RBMS1: variants seen among roughly 807,000 people sequenced by gnomAD.
RBMS1 encodes RNA-binding motif, single-stranded-interacting protein 1.
RBMS1 carries 17 observed loss-of-function variants against 62.3 expected under a neutral mutation model. The ratio of observed to expected loss-of-function variants is 0.27; its 90% CI spans 0.19 to 0.41. The LOEUF is 0.41. Ranked by LOEUF, RBMS1 falls within the 10% of genes least tolerant of loss-of-function variation. The pLI, the probability that RBMS1 is intolerant of heterozygous loss-of-function variation, is 1.00. For synonymous variants in RBMS1, 172 were observed against 170.0 expected (o/e 1.01, Z -0.09); for missense variants, 334 against 504.5 (o/e 0.66, Z 3.24).
chr2:160,455,173 T>C (rs1479500849), intron 1 of RBMS1, among the ~76,000 whole-genome samples: 2 of 152,232 alleles, frequency 1.3e-5, no homozygotes. Flanking sequence ...CTGATGTCAA[T>C]TGAAACTCAA....
chr2:160,278,979 G>A (rs1687974528), intron 10 of RBMS1: 1 of 201,036 alleles, frequency 5.0e-6, no homozygotes, highest in Admixed American at 5.4e-5. Context: ...CCAGCAGGAG[G>A]AGCTATCATA....
intron 1 of RBMS1, among the ~76,000 whole-genome samples, chr2:160,384,372 C>T (rs1242247557): frequency 6.6e-6 from 1 of 152,122 alleles, no homozygotes; most frequent in Non-Finnish European, 1.5e-5. Context: ...ATTTCTAAAA[C>T]ATTTCTAACT....
At chr2:160,327,360 G>C (rs926834689) in intron 2 of RBMS1, among the ~76,000 whole-genome samples, 3 of 152,120 alleles carry the variant, frequency 2.0e-5, no homozygotes, top group African/African-American at 7.2e-5. Context: ...GCTGTTTACT[G>C]TATGTATAAC....
chr2:160,316,073 T>C (rs949159293), intron 3 of RBMS1, among the ~76,000 whole-genome samples: 3 of 152,330 alleles, frequency 2.0e-5, no homozygotes, highest in Admixed American at 6.5e-5. Flanking sequence ...TAATCTTTTA[T>C]GCATTTATTT....
At chr2:160,364,249 A>G (rs566788714) in intron 2 of RBMS1, among the ~76,000 whole-genome samples, 4 of 152,318 alleles carry the variant, frequency 2.6e-5, no homozygotes, top group South Asian at 2.1e-4. Flanking sequence ...AACTGTACTG[A>G]TATCTTCTTT....
At chr2:160,361,187 T>C (rs1206588508) in intron 2 of RBMS1, among the ~76,000 whole-genome samples, 1 of 152,186 alleles carries the variant, frequency 6.6e-6, no homozygotes, top group East Asian at 1.9e-4. Flanking sequence ...TCACTGGTTT[T>C]TCCATTAAAA....
chr2:160,481,892 C>T (rs1180134828), intron 1 of RBMS1, among the ~76,000 whole-genome samples: 1 of 152,136 alleles, frequency 6.6e-6, no homozygotes, highest in Non-Finnish European at 1.5e-5. Flanking sequence ...TTTCTCATGC[C>T]TTGCTGGCAG....
At chr2:160,451,159 A>G (rs74833216) in intron 1 of RBMS1, among the ~76,000 whole-genome samples, 1 of 120,426 alleles carries the variant, frequency 8.3e-6, no homozygotes, top group South Asian at 2.5e-4. Flanking sequence ...CATGCTTCAG[A>G]AAAAAAAAAA....
rs776057969 is a variant in RBMS1, at chr2:160,443,421, G to A, written c.75+49868C>T. Among the ~76,000 whole-genome samples the A allele has an allele frequency of 6.7e-4, 102 of 152,164 alleles. 1 individual carries two copies. The highest frequency in any genetic ancestry group is 6.2e-4 in the South Asian group (3 of 4,804). Reference sequence around the variant, plus strand: ...TTGAAATGTGATCTCCAATGTTGGCGATGCAGCCTGATGGGAGGTGTTTGG... The same window carrying A: ...TTGAAATGTGATCTCCAATGTTGGCAATGCAGCCTGATGGGAGGTGTTTGG... On this transcript the variant is annotated intron_variant, in intron 1 of 13. Coordinates refer to ENST00000348849, the MANE Select transcript of RBMS1 (RefSeq NM_016836.4).
intron 1 of RBMS1, among the ~76,000 whole-genome samples, chr2:160,426,123 CT>C (rs1381911346): frequency 6.6e-6 from 1 of 151,862 alleles, no homozygotes; most frequent in South Asian, 2.1e-4. Flanking sequence ...AGTCCTTGCA[CT>C]TCCACGATTG....
intron 6 of RBMS1, among the ~76,000 whole-genome samples, chr2:160,292,515 T>C (rs1688735830): frequency 6.6e-6 from 1 of 152,192 alleles, no homozygotes; most frequent in Non-Finnish European, 1.5e-5. Flanking sequence ...TCTGAGAGAT[T>C]TAAGGAGCTG....
In RBMS1 at chr2:160,446,302, T is replaced by TTATG. The variant is rs1683643753; in HGVS notation, c.75+46986_75+46987insCATA. Among the ~76,000 whole-genome samples the TTATG allele has an allele frequency of 3.3e-5, 5 of 152,284 alleles. No individual in the cohort carries two copies. In the South Asian group the frequency reaches 1.0e-3, roughly 32 times the overall value. ...ACCAGTCTATTTGAACTCATCCTGTTCATAAACTCATTGCCATCTTCTCCA... is the reference window on the plus strand; with the variant it reads ...ACCAGTCTATTTGAACTCATCCTGTTTATGCATAAACTCATTGCCATCTTCTCCA... On this transcript the variant is annotated intron_variant, in intron 1 of 13. Coordinates refer to ENST00000348849, the MANE Select transcript of RBMS1 (RefSeq NM_016836.4).
intron 9 of RBMS1, chr2:160,282,527 T>C: frequency 3.3e-6 from 1 of 305,518 alleles, no homozygotes; most frequent in Non-Finnish European, 6.6e-6. Flanking sequence ...CAGACCCTAA[T>C]TTGGGCCAGA....
intron 2 of RBMS1, among the ~76,000 whole-genome samples, chr2:160,341,333 A>G (rs879807481): frequency 1.3e-5 from 2 of 152,114 alleles, no homozygotes; most frequent in Non-Finnish European, 2.9e-5. Flanking sequence ...TTTTACTACC[A>G]TCTTCAGTCC....
intron 1 of RBMS1, among the ~76,000 whole-genome samples, chr2:160,405,862 C>G (rs1420622346): frequency 6.6e-6 from 1 of 152,116 alleles, no homozygotes; most frequent in Non-Finnish European, 1.5e-5. Context: ...TAAATGAATA[C>G]ACAAGGCCCT....
chr2:160,439,379 G>A (rs1160404021), intron 1 of RBMS1, among the ~76,000 whole-genome samples: 3 of 151,616 alleles, frequency 2.0e-5, no homozygotes, highest in Admixed American at 2.0e-4. Context: ...CTTCTCAGAC[G>A]GGGCGGCCGG....
chr2:160,353,653 G>A (rs933206390), intron 2 of RBMS1, among the ~76,000 whole-genome samples: 1 of 152,026 alleles, frequency 6.6e-6, no homozygotes, highest in Non-Finnish European at 1.5e-5. Context: ...AAAGTAAAGT[G>A]GCAAATCAAG....
chr2:160,356,881 C>T (rs1404843721), intron 2 of RBMS1, among the ~76,000 whole-genome samples: 2 of 152,034 alleles, frequency 1.3e-5, no homozygotes, highest in Admixed American at 1.3e-4. Context: ...TATCGGGAGA[C>T]AACAAGCATT....
At chr2:160,410,665 G>C (rs1695989464) in intron 1 of RBMS1, among the ~76,000 whole-genome samples, 1 of 152,188 alleles carries the variant, frequency 6.6e-6, no homozygotes, top group African/African-American at 2.4e-5. Flanking sequence ...CTAACACATA[G>C]AAAGTAAGAA....
Sources: gnomAD v4.1 joint callset for allele counts (sites outside exome capture counted in the v4.1 genomes callset) on GRCh38, gnomAD v4.1.1 for gene constraint, MANE v1.5 for transcripts, NCBI Gene and HGNC (gene_info 2026-07-23, HGNC 2026-07-21) for gene names.